Variants in TMEM135 observed in about 807,000 individuals in gnomAD.
TMEM135 encodes the protein peroxisomal membrane protein 52.
TMEM135 carries 30 observed loss-of-function variants against 60.3 expected under a neutral mutation model. That is an observed-to-expected ratio of 0.50 (90% CI 0.37 to 0.68). TMEM135 has a LOEUF of 0.68. TMEM135 is among the 30% of genes least tolerant of loss of function. The pLI, the probability that TMEM135 is intolerant of heterozygous loss-of-function variation, is 0.00. For synonymous variants in TMEM135, 190 were observed against 186.7 expected, an observed-to-expected ratio of 1.02 and a Z score of -0.14; for missense variants, 468 against 548.8, an observed-to-expected ratio of 0.85 and a Z score of 1.47.
Position 87,121,786 on chromosome 11 carries a change from C to A in TMEM135, c.396+30391C>A, listed in dbSNP as rs1487159425. On this transcript the variant is annotated intron_variant, in intron 4 of 14. Transcript: ENST00000305494. Reference sequence around the variant, plus strand: ...TCCTGAGTAGCAGGGACTACAGGTACACGCCACCAAGCCTGACTAATTTTT... The same window carrying A: ...TCCTGAGTAGCAGGGACTACAGGTAAACGCCACCAAGCCTGACTAATTTTT... Among the ~76,000 whole-genome samples the A allele has an allele frequency of 2.6e-5, 4 of 151,946 alleles. No individual in the cohort carries two copies. In the East Asian group the frequency reaches 7.8e-4, roughly 30 times the overall value.
At chr11:87,215,558 C>T (rs1477600945) in intron 5 of TMEM135, among the ~76,000 whole-genome samples, 3 of 152,144 alleles carry the variant, frequency 2.0e-5, no homozygotes, top group East Asian at 3.8e-4. Context: ...ATGTAATGCC[C>T]TCAAGGTTCC....
intron 5 of TMEM135, among the ~76,000 whole-genome samples, chr11:87,226,749 A>C (rs569056554): frequency 6.6e-6 from 1 of 152,296 alleles, no homozygotes; most frequent in South Asian, 2.1e-4. Flanking sequence ...TGAAGGTATA[A>C]ATCAAGAATG....
At chr11:87,193,298 G>A (rs929591843) in intron 5 of TMEM135, among the ~76,000 whole-genome samples, 1 of 152,052 alleles carries the variant, frequency 6.6e-6, no homozygotes, top group South Asian at 2.1e-4. Flanking sequence ...GAAATATTTA[G>A]GAGATACTTG....
rs869273724 is a variant in TMEM135, at chr11:87,291,515, A to ATTTTT, written c.510-4237_510-4233dup. On this transcript the variant is annotated intron_variant, in intron 6 of 14. Coordinates refer to ENST00000305494, the MANE Select transcript of TMEM135 (RefSeq NM_022918.4). ...TGTAAGTCTATCCAGCAGCCAAGTGATTTTTTTTTTTTTTTTTTTTTTTTT... is the reference window on the plus strand; with the variant it reads ...TGTAAGTCTATCCAGCAGCCAAGTGATTTTTTTTTTTTTTTTTTTTTTTTTTTTTT... Among the ~76,000 whole-genome samples the ATTTTT allele has an allele frequency of 2.2e-3, 110 of 50,574 alleles. 12 individuals are homozygous for ATTTTT. The highest frequency in any genetic ancestry group is 2.7e-3 in the Non-Finnish European group (77 of 28,642). The allele number at this position is 50,574 out of a possible 152,430, so 33.2% of individuals were successfully genotyped here.
rs902071636 is a variant in TMEM135 at position 87,327,752 on chromosome 11, T to G, written c.*6419T>G. On this transcript the variant is annotated 3_prime_UTR_variant, in exon 15 of 15. Coordinates refer to ENST00000305494, the MANE Select transcript of TMEM135 (RefSeq NM_022918.4). ...CAGTCCAAGGCTGAATTTTCAAGTC[T>G]GAGAACCTGGGGGTGGGATGGGGGA... is the stretch of plus-strand genomic sequence containing the variant. 2.2e-6 allele frequency: 1 copy of G among 453,954 alleles called. No homozygotes were observed. 28.1% of individuals were successfully genotyped at this position (453,954 alleles called of 1,614,324 possible).
chr11:87,251,935 T>C (rs1177504863), intron 6 of TMEM135, among the ~76,000 whole-genome samples: 2 of 152,104 alleles, frequency 1.3e-5, no homozygotes, highest in African/African-American at 4.8e-5. Flanking sequence ...AAGTGAGAGG[T>C]AAAAAGTCTT....
At chr11:87,159,785 C>T (rs554457683) in intron 5 of TMEM135, among the ~76,000 whole-genome samples, 3 of 152,044 alleles carry the variant, frequency 2.0e-5, no homozygotes, top group Non-Finnish European at 4.4e-5. Context: ...TGGAACTAAC[C>T]AGTGTCCAGA....
At chr11:87,175,050 C>T (rs1270992672) in intron 5 of TMEM135, among the ~76,000 whole-genome samples, 1 of 152,060 alleles carries the variant, frequency 6.6e-6, no homozygotes, top group Non-Finnish European at 1.5e-5. Context: ...ATATCTTGCT[C>T]ATGTAGAAGA....
intron 4 of TMEM135, among the ~76,000 whole-genome samples, chr11:87,142,868 A>C: frequency 6.8e-6 from 1 of 147,030 alleles, no homozygotes. Context: ...TTTTTCTTCA[A>C]CATTCAGAAG....
At chr11:87,228,447 T>C (rs1277923565) in intron 5 of TMEM135, among the ~76,000 whole-genome samples, 1 of 152,154 alleles carries the variant, frequency 6.6e-6, no homozygotes, top group Non-Finnish European at 1.5e-5. Context: ...ATGTCTAAAA[T>C]ATGAATGAAG....
At chr11:87,292,228 GGTTT>G (rs1942278213) in intron 6 of TMEM135, among the ~76,000 whole-genome samples, 1 of 152,026 alleles carries the variant, frequency 6.6e-6, no homozygotes, top group South Asian at 2.1e-4. Flanking sequence ...TTATCTTGGA[GGTTT>G]GTTTTTTGTT....
At chr11:87,155,327 G>A (rs974169569) in intron 4 of TMEM135, among the ~76,000 whole-genome samples, 9 of 152,096 alleles carry the variant, frequency 5.9e-5, no homozygotes, top group Non-Finnish European at 8.8e-5. Flanking sequence ...TTGTGCTTTC[G>A]GTGTCATATT....
intron 2 of TMEM135, among the ~76,000 whole-genome samples, chr11:87,071,073 C>T (rs1042323720): frequency 6.6e-6 from 1 of 152,130 alleles, no homozygotes; most frequent in Non-Finnish European, 1.5e-5. Flanking sequence ...AGGTTTGGAT[C>T]CAGGGAATGC....
chr11:87,136,601 T>G (rs1938107351), intron 4 of TMEM135, among the ~76,000 whole-genome samples: 1 of 152,038 alleles, frequency 6.6e-6, no homozygotes, highest in African/African-American at 2.4e-5. Context: ...TTTGGTAGAA[T>G]TTATGAGTGA....
intron 6 of TMEM135, among the ~76,000 whole-genome samples, chr11:87,250,969 G>A (rs561524233): frequency 1.4e-4 from 21 of 152,218 alleles, no homozygotes; most frequent in South Asian, 8.3e-4. Flanking sequence ...GCAATGATAC[G>A]GTGGAGAGTA....
chr11:87,261,419 C>T (rs984781552), intron 6 of TMEM135, among the ~76,000 whole-genome samples: 2 of 151,998 alleles, frequency 1.3e-5, no homozygotes, highest in Non-Finnish European at 2.9e-5. Flanking sequence ...CAAAATTTCT[C>T]GTTAATTAAT....
intron 6 of TMEM135, among the ~76,000 whole-genome samples, chr11:87,257,010 T>G (rs1283734707): frequency 6.6e-6 from 1 of 152,220 alleles, no homozygotes; most frequent in African/African-American, 2.4e-5. Flanking sequence ...TATATGCCTT[T>G]GTATTTCCAT....
At chr11:87,141,727 A>C (rs1162588813) in intron 4 of TMEM135, among the ~76,000 whole-genome samples, 1 of 152,174 alleles carries the variant, frequency 6.6e-6, no homozygotes, top group Admixed American at 6.5e-5. Context: ...AGGAAGTTTC[A>C]TTCCATAGCA....
chr11:87,089,840 C>A (rs986859716), intron 3 of TMEM135, among the ~76,000 whole-genome samples: 1 of 152,020 alleles, frequency 6.6e-6, no homozygotes, highest in Admixed American at 6.6e-5. Context: ...AGAACACTTT[C>A]AATCCATATG....
Sources: gnomAD v4.1 joint callset for allele counts (sites outside exome capture counted in the v4.1 genomes callset) on GRCh38, gnomAD v4.1.1 for gene constraint, MANE v1.5 for transcripts, NCBI Gene and HGNC (gene_info 2026-07-23, HGNC 2026-07-21) for gene names.